LRBA: variants seen among roughly 807,000 people sequenced by gnomAD.
The protein encoded by LRBA is lipopolysaccharide-responsive and beige-like anchor protein.
LRBA carries 176 observed loss-of-function variants against 330.0 expected under a neutral mutation model. The observed-to-expected ratio is 0.53, with a 90% CI of 0.47 to 0.60. LRBA has a LOEUF of 0.60. LRBA is among the 20% of genes least tolerant of loss of function. LRBA has a pLI of 0.00. For synonymous variants in LRBA, 1,230 were observed against 1,193.0 expected (o/e 1.03, Z -0.64); for missense variants, 3,259 against 3,444.8 (o/e 0.95, Z 1.35).
At chr4:150,715,306 T>C (rs1786636004) in intron 36 of LRBA, among the ~76,000 whole-genome samples, 1 of 152,208 alleles carries the variant, frequency 6.6e-6, no homozygotes, top group African/African-American at 2.4e-5. Context: ...TAGTGCAGTA[T>C]ATAATCAACT....
intron 2 of LRBA, among the ~76,000 whole-genome samples, chr4:150,954,409 T>A (rs1208897729): frequency 3.3e-5 from 5 of 152,162 alleles, no homozygotes; most frequent in Non-Finnish European, 7.4e-5. Flanking sequence ...GACTCCATTT[T>A]GTTCTGTACT....
At chr4:150,467,572 T>C (rs1755594836) in intron 44 of LRBA, 101 bp downstream of exon 44, 1 of 673,756 alleles carries the variant, frequency 1.5e-6, no homozygotes, top group African/African-American at 1.8e-5. Flanking sequence ...GGTACGACTA[T>C]ATTTGAAAAA....
At chr4:150,331,208 T>G in intron 48 of LRBA, among the ~76,000 whole-genome samples, 1 of 152,182 alleles carries the variant, frequency 6.6e-6, no homozygotes, top group East Asian at 1.9e-4. Flanking sequence ...TTTCTTGCCT[T>G]ATCTTCACTT....
At chr4:150,673,214 T>G (rs1370674306) in intron 37 of LRBA, among the ~76,000 whole-genome samples, 1 of 152,206 alleles carries the variant, frequency 6.6e-6, no homozygotes, top group African/African-American at 2.4e-5. Flanking sequence ...AAGGAAAGTA[T>G]ACATTAATCT....
At chr4:150,645,833 C>T (rs1397978253) in intron 37 of LRBA, among the ~76,000 whole-genome samples, 1 of 151,782 alleles carries the variant, frequency 6.6e-6, no homozygotes, top group Non-Finnish European at 1.5e-5. Context: ...TATTTGCCAT[C>T]TATTTTGATG....
chr4:150,424,143 A>G (rs1749218548), intron 46 of LRBA, among the ~76,000 whole-genome samples: 2 of 152,238 alleles, frequency 1.3e-5, no homozygotes, highest in Admixed American at 1.3e-4. Flanking sequence ...TAAGAAACTA[A>G]TAGTGAGGAG....
chr4:150,345,237 G>A (rs1347617633), intron 48 of LRBA, among the ~76,000 whole-genome samples: 1 of 152,188 alleles, frequency 6.6e-6, no homozygotes, highest in Non-Finnish European at 1.5e-5. Context: ...AACTCTAGCT[G>A]AGGGAGGGCA....
At chr4:150,301,117 G>A (rs905657365) in intron 53 of LRBA, among the ~76,000 whole-genome samples, 1 of 151,858 alleles carries the variant, frequency 6.6e-6, no homozygotes, top group African/African-American at 2.4e-5. Flanking sequence ...TCGGTAACTG[G>A]ATTTACAGAA....
intron 35 of LRBA, among the ~76,000 whole-genome samples, chr4:150,736,677 T>C (rs987696674): frequency 9.9e-5 from 15 of 151,968 alleles, no homozygotes; most frequent in Admixed American, 5.9e-4. Flanking sequence ...AAAAAAGCAA[T>C]ATTTGAAGAG....
intron 17 of LRBA, among the ~76,000 whole-genome samples, chr4:150,877,257 CAAA>C (rs796849728): frequency 4.8e-4 from 39 of 81,754 alleles, no homozygotes; most frequent in African/African-American, 1.2e-3. Flanking sequence ...GACTCCGTAT[CAAA>C]AAAAAAAAAA....
In LRBA at chr4:150,852,646, C is replaced by T. The variant is rs180892740; in HGVS notation, c.3064G>A (p.Glu1022Lys). The stretch of plus-strand genomic sequence containing the variant: ...TCTGGTAACTCCTGATTTTCTTGCT[C>T]AGCTTTCATTTCTTCATAAGATGTA... Reference protein sequence around the residue: ...TNTSYEEMKAEQENQELPDEG... With the variant: ...TNTSYEEMKAKQENQELPDEG... The change falls in exon 23 of 57, where the codon GAG becomes AAG. Residue 1022 changes from glutamate to lysine, a missense_variant. Coordinates refer to ENST00000651943, the MANE Select transcript of LRBA (RefSeq NM_001364905.1). 52 of 1,614,048 alleles carry T rather than the reference C, an allele frequency of 3.2e-5. No homozygotes were observed. In the East Asian group the frequency reaches 5.6e-4, roughly 17 times the overall value.
intron 42 of LRBA, among the ~76,000 whole-genome samples, chr4:150,483,115 A>G (rs1411677175): frequency 3.9e-5 from 6 of 152,056 alleles, no homozygotes; most frequent in Non-Finnish European, 8.8e-5. Context: ...TACTTTTAGC[A>G]CTTACGTTTG....
intron 44 of LRBA, among the ~76,000 whole-genome samples, chr4:150,441,113 A>G (rs1388101244): frequency 6.6e-6 from 1 of 152,032 alleles, no homozygotes; most frequent in Non-Finnish European, 1.5e-5. Context: ...GTACATAATA[A>G]TAATGATAAT....
rs768151580 is a variant in LRBA at position 150,588,097 on chromosome 4, T to C, written c.6281A>G (p.Tyr2094Cys). ...AGGATCCTCTTCATCCACCTCAAAA[T>C]AGAGTTCGGAGGAGGTGACAGAAAG... is the stretch of plus-strand genomic sequence containing the variant. Reference protein sequence around the residue: ...GTLSVTSSELYFEVDEEDPNF... With the variant: ...GTLSVTSSELCFEVDEEDPNF... The change falls in exon 40 of 57, where the codon TAT (tyrosine) becomes TGT (cysteine). Residue 2094 changes from tyrosine to cysteine, a missense_variant. Tyr to Cys is a radical substitution (Grantham distance 194, BLOSUM62 -2). Coordinates refer to ENST00000651943, the MANE Select transcript of LRBA (RefSeq NM_001364905.1). The C allele has an allele frequency of 6.8e-6, 11 of 1,611,418 alleles. No homozygotes were observed. In the East Asian group the frequency reaches 1.8e-4, roughly 26 times the overall value.
intron 41 of LRBA, among the ~76,000 whole-genome samples, chr4:150,488,989 A>C: frequency 7.8e-6 from 1 of 127,936 alleles, no homozygotes; most frequent in East Asian, 2.1e-4. Context: ...TATAACATAT[A>C]ATATATATAA....
At chr4:150,493,450 T>A (rs994611387) in intron 40 of LRBA, among the ~76,000 whole-genome samples, 1 of 152,222 alleles carries the variant, frequency 6.6e-6, no homozygotes, top group East Asian at 1.9e-4. Context: ...AATGAATCAA[T>A]GTATGGCAAC....
chr4:150,942,545 C>A (rs1049155081), intron 2 of LRBA, among the ~76,000 whole-genome samples: 1 of 152,100 alleles, frequency 6.6e-6, no homozygotes, highest in Non-Finnish European at 1.5e-5. Context: ...ATATGCTGAA[C>A]TGAAAATATT....
At chr4:150,459,680 A>AT in intron 44 of LRBA, among the ~76,000 whole-genome samples, 1 of 152,062 alleles carries the variant, frequency 6.6e-6, no homozygotes, top group East Asian at 1.9e-4. Flanking sequence ...AACTCTCCCC[A>AT]TATCATTTTT....
At chr4:150,502,873 C>T (rs922327005) in intron 40 of LRBA, among the ~76,000 whole-genome samples, 6 of 152,234 alleles carry the variant, frequency 3.9e-5, no homozygotes, top group African/African-American at 9.6e-5. Context: ...GCTTTCCCAA[C>T]GGGCTTAAAA....
Sources: gnomAD v4.1 joint callset for allele counts (sites outside exome capture counted in the v4.1 genomes callset) on GRCh38, gnomAD v4.1.1 for gene constraint, MANE v1.5 for transcripts, NCBI Gene and HGNC (gene_info 2026-07-23, HGNC 2026-07-21) for gene names.